The following RSRC1 variants were observed in gnomAD, a reference collection of about 807,000 sequenced individuals.
The protein encoded by RSRC1 is serine/Arginine-related protein 53.
In RSRC1, 39 loss-of-function variants were observed where a neutral mutation model predicts 49.1. The ratio of observed to expected loss-of-function variants is 0.79; its 90% confidence interval spans 0.61 to 1.04. RSRC1 has a LOEUF of 1.04. Among genes scored for constraint, RSRC1 ranks in the 50% least tolerant of loss-of-function variants. The probability of loss-of-function intolerance (pLI) is 0.00; values close to 1 mark genes in which losing one functional copy is unlikely to be tolerated. For missense variants in RSRC1, 388 were observed against 402.4 expected (o/e 0.96, Z 0.31); for synonymous variants, 143 against 130.8 (o/e 1.09, Z -0.63).
chr3:158,453,493 G>C (rs1210514339), intron 6 of RSRC1, among the ~76,000 whole-genome samples: 7 of 150,886 alleles, frequency 4.6e-5, no homozygotes, highest in African/African-American at 1.7e-4. Flanking sequence ...CAATTCTCCT[G>C]CTTCAGCCTC....
intron 6 of RSRC1, among the ~76,000 whole-genome samples, chr3:158,396,064 C>G (rs1733593603): frequency 6.6e-6 from 1 of 152,050 alleles, no homozygotes; most frequent in African/African-American, 2.4e-5. Context: ...TGCCATTATC[C>G]TAAGCAAACA....
At chr3:158,491,802 A>G (rs905881167) in intron 7 of RSRC1, among the ~76,000 whole-genome samples, 1 of 152,180 alleles carries the variant, frequency 6.6e-6, no homozygotes, top group East Asian at 1.9e-4. Context: ...ACCTCGTGCT[A>G]TGGGTTGGAA....
chr3:158,252,610 GT>G (rs2108015942), intron 4 of RSRC1, among the ~76,000 whole-genome samples: 1 of 152,316 alleles, frequency 6.6e-6, no homozygotes, highest in South Asian at 2.1e-4. Context: ...CATAAAATGG[GT>G]TTGGAAGTAT....
intron 4 of RSRC1, among the ~76,000 whole-genome samples, chr3:158,210,977 T>C (rs2108288100): frequency 6.6e-6 from 1 of 152,170 alleles, no homozygotes; most frequent in East Asian, 1.9e-4. Flanking sequence ...GTGAAAGCTT[T>C]AGAATGAGAG....
intron 5 of RSRC1, among the ~76,000 whole-genome samples, chr3:158,345,563 C>T (rs1439242147): frequency 6.6e-6 from 1 of 151,804 alleles, no homozygotes; most frequent in Non-Finnish European, 1.5e-5. Flanking sequence ...GAAAAAAGGA[C>T]AACTTTATTC....
At chr3:158,267,516 T>C (rs374199226) in intron 4 of RSRC1, among the ~76,000 whole-genome samples, 5 of 152,260 alleles carry the variant, frequency 3.3e-5, no homozygotes, top group Admixed American at 6.5e-5. Context: ...TACAGATCTC[T>C]TGAGGTCCTC....
intron 5 of RSRC1, among the ~76,000 whole-genome samples, chr3:158,334,553 T>G (rs1729757129): frequency 6.6e-6 from 1 of 151,564 alleles, no homozygotes; most frequent in Admixed American, 6.6e-5. Context: ...CGATCTCAGC[T>G]CACTGCAACC....
intron 4 of RSRC1, among the ~76,000 whole-genome samples, chr3:158,241,253 G>A (rs1413674474): frequency 6.6e-6 from 1 of 151,878 alleles, no homozygotes; most frequent in Non-Finnish European, 1.5e-5. Flanking sequence ...TTCGCGACCA[G>A]CCTGGCCAAT....
At chr3:158,356,553 T>A (rs57826765) in intron 6 of RSRC1, among the ~76,000 whole-genome samples, 14,012 of 152,032 alleles carry the variant, frequency 0.092, 2,167 homozygotes, top group African/African-American at 0.32. Context: ...TTATCTTATT[T>A]ATCTTTATGT....
intron 6 of RSRC1, among the ~76,000 whole-genome samples, chr3:158,396,787 A>G (rs574760800): frequency 1.3e-5 from 2 of 152,296 alleles, no homozygotes; most frequent in South Asian, 2.1e-4. Context: ...TGCAAACTCA[A>G]TACAAATCTC....
At position 158,455,250 on chromosome 3, in the gene RSRC1, G is replaced by A. The variant is rs548892060; in HGVS notation, c.584-5685G>A. On this transcript the variant is annotated intron_variant, in intron 6 of 9. Transcript: ENST00000611884. ...TCAACATTTGCAGTATATTCATGGTGATGCAGTATCAAAGACTGGGCTACA... is the reference window on the plus strand; with the variant it reads ...TCAACATTTGCAGTATATTCATGGTAATGCAGTATCAAAGACTGGGCTACA... Among the ~76,000 whole-genome samples the A allele has an allele frequency of 3.2e-4, 49 of 152,148 alleles. 1 individual carries two copies. The highest frequency in any genetic ancestry group is 1.2e-3 in the African/African-American group (48 of 41,484).
chr3:158,512,026 G>C (rs1202879561), intron 7 of RSRC1, among the ~76,000 whole-genome samples: 4 of 146,366 alleles, frequency 2.7e-5, no homozygotes, highest in Non-Finnish European at 6.1e-5. Flanking sequence ...TTAGCCCTTT[G>C]TCAGATGAGT....
intron 4 of RSRC1, among the ~76,000 whole-genome samples, chr3:158,227,028 GAGAA>G (rs1324574855): frequency 2.6e-5 from 4 of 151,768 alleles, no homozygotes; most frequent in African/African-American, 7.2e-5. Context: ...TTAAATGAAA[GAGAA>G]AGTAAGAAAA....
At chr3:158,515,017 A>C (rs892191764) in intron 7 of RSRC1, among the ~76,000 whole-genome samples, 1 of 151,306 alleles carries the variant, frequency 6.6e-6, no homozygotes, top group African/African-American at 2.4e-5. Flanking sequence ...GTGTCTCTGC[A>C]CTTGAGATGG....
At chr3:158,368,206 G>C (rs1731882120) in intron 6 of RSRC1, among the ~76,000 whole-genome samples, 2 of 152,138 alleles carry the variant, frequency 1.3e-5, no homozygotes, top group Non-Finnish European at 2.9e-5. Context: ...GTACAATGCT[G>C]GATCTCTGGG....
intron 7 of RSRC1, among the ~76,000 whole-genome samples, chr3:158,475,083 T>G (rs1028711699): frequency 2.0e-5 from 3 of 151,976 alleles, no homozygotes; most frequent in Non-Finnish European, 4.4e-5. Context: ...CCTGGCTAAT[T>G]TTTTTTATTT....
At chr3:158,316,483 C>T (rs191306483) in intron 5 of RSRC1, among the ~76,000 whole-genome samples, 2,692 of 126,026 alleles carry the variant, frequency 0.021, 38 homozygotes, top group Non-Finnish European at 0.032. Flanking sequence ...GTCTCGCTGT[C>T]GCCCAGGCTG....
At chr3:158,511,065 C>T (rs1180669914) in intron 7 of RSRC1, among the ~76,000 whole-genome samples, 2 of 151,094 alleles carry the variant, frequency 1.3e-5, no homozygotes, top group Non-Finnish European at 2.9e-5. Context: ...TGTTAATAAA[C>T]TTTCACAATT....
chr3:158,211,189 G>A (rs970817844), intron 4 of RSRC1, among the ~76,000 whole-genome samples: 1 of 151,970 alleles, frequency 6.6e-6, no homozygotes, highest in South Asian at 2.1e-4. Flanking sequence ...AAGGGAAAGA[G>A]TACTGAGTTG....
Sources: allele counts gnomAD v4.1 joint callset (sites outside exome capture counted in the v4.1 genomes callset), GRCh38; gene constraint gnomAD v4.1.1; transcripts MANE v1.5; gene names NCBI Gene and HGNC (gene_info 2026-07-23, HGNC 2026-07-21).